CBX6: variants seen among roughly 807,000 people sequenced by gnomAD.
CBX6 encodes chromobox protein homolog 6.
Under a neutral mutation model 28.4 loss-of-function variants are expected in CBX6, and 7 were observed. The ratio of observed to expected loss-of-function variants is 0.25; its 90% CI spans 0.14 to 0.46. The LOEUF (loss-of-function observed/expected upper bound fraction) is 0.46. Ranked by LOEUF, CBX6 falls within the 20% of genes least tolerant of loss-of-function variation. The probability of loss-of-function intolerance (pLI) is 0.99; values close to 1 mark genes in which losing one functional copy is unlikely to be tolerated. For synonymous variants in CBX6, 297 were observed against 273.4 expected, an observed-to-expected ratio of 1.09 and a Z score of -0.85; for missense variants, 512 against 606.1, an observed-to-expected ratio of 0.84 and a Z score of 1.63.
chr22:38,869,029 C>T (rs2093176576), intron 4 of CBX6, among the ~76,000 whole-genome samples: 1 of 152,204 alleles, frequency 6.6e-6, no homozygotes, highest in Non-Finnish European at 1.5e-5. Context: ...GTCCCTTCCG[C>T]CACTAGGTGG....
chr22:38,871,978 G>A lies in CBX6; in HGVS notation c.70-33C>T. The A allele has an allele frequency of 1.3e-6, 2 of 1,492,368 alleles. No homozygotes were observed. Among genetic ancestry groups the A allele is most frequent in the South Asian group, 1.3e-5 (1 of 78,830 alleles). 92.4% of individuals were successfully genotyped at this position (1,492,368 alleles called of 1,614,324 possible). ...ACAGAGGGGAGAAAAACGGGGGTGG[G>A]GGTGGGGAGGATGCGGGGACGCGAG... is the stretch of plus-strand genomic sequence containing the variant. On this transcript the variant is annotated intron_variant, in intron 1 of 4. Coordinates refer to ENST00000407418, the MANE Select transcript of CBX6 (RefSeq NM_014292.5). This position sits in a 1 kb window ranked among gnomAD's most constrained non-coding sequence, Gnocchi z 5.6.
Position 38,864,192 on chromosome 22 carries a change from C to G in CBX6, c.*2017G>C, listed in dbSNP as rs1036842248. ...AGCTCTTTCTCCCCCGCCACCCCCC[C>G]ATAGGAATCCCACAATATTTTTTTC... On this transcript the variant is annotated 3_prime_UTR_variant, in exon 5 of 5. Coordinates refer to ENST00000407418, the MANE Select transcript of CBX6 (RefSeq NM_014292.5). 5.9e-5 allele frequency: 9 copies of G among 152,016 alleles called. No homozygotes were observed. The highest frequency in any genetic ancestry group is 2.2e-4 in the African/African-American group (9 of 41,376). The allele number at this position is 152,016 out of a possible 1,614,324, so 9.4% of individuals were successfully genotyped here. A position where few individuals can be genotyped will look rare whatever the true frequency, so the allele number is the denominator to read the frequency against.
chr22:38,864,132 C>G lies in CBX6; in HGVS notation c.*2077G>C, dbSNP rs1208855815. ...CCCCATCCTGACATTGCCACCTCAC[C>G]TGTGCAATCACTGCGTTACTATTTT... On this transcript the variant is annotated 3_prime_UTR_variant, in exon 5 of 5. Coordinates refer to ENST00000407418, the MANE Select transcript of CBX6 (RefSeq NM_014292.5). The G allele has an allele frequency of 6.6e-6, 1 of 152,264 alleles. No homozygotes were observed. Among genetic ancestry groups the G allele is most frequent in the East Asian group, 1.9e-4 (1 of 5,198 alleles). 9.4% of individuals were successfully genotyped at this position (152,264 alleles called of 1,614,324 possible). A position where few individuals can be genotyped will look rare whatever the true frequency, so the allele number is the denominator to read the frequency against.
At chr22:38,869,597 C>A (rs2093177826) in intron 4 of CBX6, 1 of 152,096 alleles carries the variant, frequency 6.6e-6, no homozygotes, top group Non-Finnish European at 1.5e-5. Context: ...CCTCTTCCTC[C>A]CCACATGGAG....
In CBX6 at chr22:38,865,881, C is replaced by T. The variant is rs771912194; in HGVS notation, c.*328G>A. 3 of 326,164 alleles carry T rather than the reference C, an allele frequency of 9.2e-6. No homozygotes were observed. Among genetic ancestry groups the T allele is most frequent in the South Asian group, 6.5e-5 (1 of 15,494 alleles). The allele number at this position is 326,164 out of a possible 1,614,324, so 20.2% of individuals were successfully genotyped here. On this transcript the variant is annotated 3_prime_UTR_variant, in exon 5 of 5. Transcript: ENST00000407418. Reference sequence around the variant, plus strand: ...AGGTTAGCACCGAGAAATCAGACGCCGCACAGGAGAGCAGGAAGCAAGCTA... The same window carrying T: ...AGGTTAGCACCGAGAAATCAGACGCTGCACAGGAGAGCAGGAAGCAAGCTA...
At position 38,863,602 on chromosome 22, in the gene CBX6, T is replaced by C. The variant is rs1044198454; in HGVS notation, c.*2607A>G. On this transcript the variant is annotated 3_prime_UTR_variant, in exon 5 of 5. Transcript: ENST00000407418. ...GGGCACTGCCCACCTCAAGGCGGTG[T>C]GCCTGGTGCCTCTTCATGCACCAAG... is the stretch of plus-strand genomic sequence containing the variant. 2 of 152,112 alleles carry C rather than the reference T, an allele frequency of 1.3e-5. No homozygotes were observed. Among genetic ancestry groups the C allele is most frequent in the African/African-American group, 4.8e-5 (2 of 41,418 alleles). The allele number at this position is 152,112 out of a possible 1,614,324, so 9.4% of individuals were successfully genotyped here.
Position 38,866,823 on chromosome 22 carries a change from T to C in CBX6, c.625A>G (p.Ile209Val). Residue 209 changes from isoleucine to valine, a missense_variant, in exon 5 of 5, where the codon ATA (isoleucine) becomes GTA (valine). Ile to Val is a conservative substitution (Grantham distance 29, BLOSUM62 3). This residue lies in a region of CBX6 where 290 missense variants were observed against 274.1 expected (regional missense o/e 1.06). Transcript: ENST00000407418. This position sits in a 1 kb window ranked among gnomAD's most constrained non-coding sequence, Gnocchi z 7.5. Reference protein sequence around the residue: ...RPKVPSRNRVIGKSKKFSESV... With the variant: ...RPKVPSRNRVVGKSKKFSESV... ...TCGCTGAACTTCTTGCTCTTGCCTATAACGCGGTTCCGCGAGGGGACTTTG... is the reference window on the plus strand; with the variant it reads ...TCGCTGAACTTCTTGCTCTTGCCTACAACGCGGTTCCGCGAGGGGACTTTG... 5 of 1,612,382 alleles carry C rather than the reference T, an allele frequency of 3.1e-6. No individual in the cohort carries two copies. Among genetic ancestry groups the C allele is most frequent in the Non-Finnish European group, 4.2e-6 (5 of 1,179,316 alleles).
Position 38,871,664 on chromosome 22 carries a change from G to A in CBX6, c.179+28C>T, listed in dbSNP as rs773623052. ...GCCCCAGCCGAGCCTCGGCCTCGCA[G>A]CCCCTGCCAGCTTCCCCAACAACTC... On this transcript the variant is annotated intron_variant, in intron 3 of 4. Transcript: ENST00000407418. The surrounding 1 kb of genome is among the most constrained non-coding windows in gnomAD (Gnocchi z 5.6). The A allele has an allele frequency of 5.6e-6, 9 of 1,612,744 alleles. No individual in the cohort carries two copies. The highest frequency in any genetic ancestry group is 7.6e-6 in the Non-Finnish European group (9 of 1,179,390).
Position 38,866,215 on chromosome 22 carries a change from G to A in CBX6, c.1233C>T (p.Ser411=). ...AAGGGGSIGA[S]K ...CCTCCTTGGTGGAGCCCCCTCACTTGCTCGCCCCAATGCTGCCACCGCCCC... is the reference window on the plus strand; with the variant it reads ...CCTCCTTGGTGGAGCCCCCTCACTTACTCGCCCCAATGCTGCCACCGCCCC... The change falls in exon 5 of 5, where the codon AGC becomes AGT. Residue 411 remains serine (S), a synonymous_variant. Transcript: ENST00000407418. This position sits in a 1 kb window ranked among gnomAD's most constrained non-coding sequence, Gnocchi z 7.5. 1.2e-6 allele frequency: 2 copies of A among 1,601,256 alleles called. No homozygotes were observed. Among genetic ancestry groups the A allele is most frequent in the Non-Finnish European group, 1.7e-6 (2 of 1,172,778 alleles).
Position 38,871,956 on chromosome 22 carries a change from G to C in CBX6, c.70-11C>G. ...GTACTCGATGCGTCCCTGAAAAACAGAGGGGAGAAAAACGGGGGTGGGGGT... is the reference window on the plus strand; with the variant it reads ...GTACTCGATGCGTCCCTGAAAAACACAGGGGAGAAAAACGGGGGTGGGGGT... On this transcript the variant is annotated splice_polypyrimidine_tract_variant and intron_variant, in intron 1 of 4. Transcript: ENST00000407418. The surrounding 1 kb of genome is among the most constrained non-coding windows in gnomAD (Gnocchi z 5.6). 1 of 1,530,486 alleles carries C rather than the reference G, an allele frequency of 6.5e-7. No individual in the cohort carries two copies. Among genetic ancestry groups the C allele is most frequent in the Non-Finnish European group, 8.8e-7 (1 of 1,138,248 alleles). 94.8% of individuals were successfully genotyped at this position (1,530,486 alleles called of 1,614,324 possible).
In CBX6 at chr22:38,865,985, T is replaced by C; in HGVS notation, c.*224A>G. ...CCAGAAACCACCCAGTGGGCTACCATGCATGGGCAGGGGGTGTGCCCTTCC... is the reference window on the plus strand; with the variant it reads ...CCAGAAACCACCCAGTGGGCTACCACGCATGGGCAGGGGGTGTGCCCTTCC... On this transcript the variant is annotated 3_prime_UTR_variant, in exon 5 of 5. Transcript: ENST00000407418. The C allele has an allele frequency of 1.7e-6, 1 of 576,902 alleles. No homozygotes were observed. Among genetic ancestry groups the C allele is most frequent in the Non-Finnish European group, 3.1e-6 (1 of 325,674 alleles). 35.7% of individuals were successfully genotyped at this position (576,902 alleles called of 1,614,324 possible).
At position 38,871,119 on chromosome 22, in the gene CBX6, C is replaced by T; in HGVS notation, c.246+361G>A. ...AGGAGGTGGGACCCCACTCACTCTCCCCCTGGGTTCCAACTCCCAGCACAG... is the reference window on the plus strand; with the variant it reads ...AGGAGGTGGGACCCCACTCACTCTCTCCCTGGGTTCCAACTCCCAGCACAG... On this transcript the variant is annotated intron_variant, in intron 4 of 4. Transcript: ENST00000407418. This position sits in a 1 kb window ranked among gnomAD's most constrained non-coding sequence, Gnocchi z 5.6. 2 of 267,616 alleles carry T rather than the reference C, an allele frequency of 7.5e-6. No homozygotes were observed. The highest frequency in any genetic ancestry group is 9.6e-5 in the East Asian group (1 of 10,398). The allele number at this position is 267,616 out of a possible 1,614,324, so 16.6% of individuals were successfully genotyped here.
At position 38,865,976 on chromosome 22, in the gene CBX6, G is replaced by A; in HGVS notation, c.*233C>T. ...TAGGGCTTTCCAGAAACCACCCAGT[G>A]GGCTACCATGCATGGGCAGGGGGTG... is the stretch of plus-strand genomic sequence containing the variant. On this transcript the variant is annotated 3_prime_UTR_variant, in exon 5 of 5. Coordinates refer to ENST00000407418, the MANE Select transcript of CBX6 (RefSeq NM_014292.5). 1 of 568,046 alleles carries A rather than the reference G, an allele frequency of 1.8e-6. No homozygotes were observed. The highest frequency in any genetic ancestry group is 3.1e-6 in the Non-Finnish European group (1 of 321,040). The allele number at this position is 568,046 out of a possible 1,614,324, so 35.2% of individuals were successfully genotyped here. A position where few individuals can be genotyped will look rare whatever the true frequency, so the allele number is the denominator to read the frequency against.
intron 4 of CBX6, 67 bp from the exon 5 acceptor site, chr22:38,867,268 C>A: frequency 7.0e-7 from 1 of 1,422,130 alleles, no homozygotes; most frequent in Non-Finnish European, 9.4e-7. Context: ...GATGTCCCTA[C>A]GCCAGCCAGC....
chr22:38,870,303 G>A lies in CBX6; in HGVS notation c.246+1177C>T, dbSNP rs1422544099. 1 of 152,220 alleles carries A rather than the reference G, an allele frequency of 6.6e-6. No individual in the cohort carries two copies. The highest frequency in any genetic ancestry group is 1.5e-5 in the Non-Finnish European group (1 of 68,072). The allele number at this position is 152,220 out of a possible 1,614,324, so 9.4% of individuals were successfully genotyped here. ...AGGAGATAATCCATGTGGGGGCTCAGCCCTGTATTAGGCCCACAGCCAGCT... is the reference window on the plus strand; with the variant it reads ...AGGAGATAATCCATGTGGGGGCTCAACCCTGTATTAGGCCCACAGCCAGCT... On this transcript the variant is annotated intron_variant, in intron 4 of 4. Transcript: ENST00000407418. This position sits in a 1 kb window ranked among gnomAD's most constrained non-coding sequence, Gnocchi z 4.3.
rs1218574281 is a variant in CBX6, at chr22:38,871,694, T to A, written c.177A>T (p.Gln59His). ...TGCCAGCTTCCCCAACAACTCACTT[T>A]TGTTCGAAGGCTGCAATGAGCCGCG... is the stretch of plus-strand genomic sequence containing the variant. Reference protein sequence around the residue: ...LDSRLIAAFEQKERERELYGP... With the variant: ...LDSRLIAAFEHKERERELYGP... The change falls in exon 3 of 5, where the codon CAA becomes CAT. Residue 59 changes from glutamine (Q) to histidine (H), a missense_variant and splice_region_variant. Physicochemically the swap from Gln to His is conservative, Grantham distance 24 (BLOSUM62 0). Around this residue, in one of 7 missense-constraint regions of CBX6, gnomAD observed 20 missense variants for 70.3 expected, o/e 0.28. Transcript: ENST00000407418. The surrounding 1 kb of genome is among the most constrained non-coding windows in gnomAD (Gnocchi z 5.6). 1.2e-6 allele frequency: 2 copies of A among 1,613,312 alleles called. No individual in the cohort carries two copies. The highest frequency in any genetic ancestry group is 1.7e-6 in the Non-Finnish European group (2 of 1,179,660).
rs899725366 is a variant in CBX6, at chr22:38,871,983, G to A, written c.70-38C>T. ...GGGGAGAAAAACGGGGGTGGGGGTGGGGAGGATGCGGGGACGCGAGGAGGC... is the reference window on the plus strand; with the variant it reads ...GGGGAGAAAAACGGGGGTGGGGGTGAGGAGGATGCGGGGACGCGAGGAGGC... On this transcript the variant is annotated intron_variant, in intron 1 of 4. Transcript: ENST00000407418. This position sits in a 1 kb window ranked among gnomAD's most constrained non-coding sequence, Gnocchi z 5.6. The A allele has an allele frequency of 6.8e-7, 1 of 1,469,558 alleles. No individual in the cohort carries two copies. Among genetic ancestry groups the A allele is most frequent in the Non-Finnish European group, 9.1e-7 (1 of 1,100,868 alleles). 91.0% of individuals were successfully genotyped at this position (1,469,558 alleles called of 1,614,324 possible).
chr22:38,868,624 G>T (rs1179569841), intron 4 of CBX6, among the ~76,000 whole-genome samples: 1 of 152,108 alleles, frequency 6.6e-6, no homozygotes, highest in Non-Finnish European at 1.5e-5. Flanking sequence ...CAAGGGGCGT[G>T]GGTTTTAGAG....
chr22:38,868,301 G>T (rs1050062719), intron 4 of CBX6, among the ~76,000 whole-genome samples: 3 of 152,244 alleles, frequency 2.0e-5, no homozygotes, highest in Non-Finnish European at 4.4e-5. Flanking sequence ...AGGGAGGACG[G>T]TGGGCAGTGG....
Sources: allele counts gnomAD v4.1 joint callset (sites outside exome capture counted in the v4.1 genomes callset), GRCh38; gene constraint gnomAD v4.1.1; regional missense constraint gnomAD v4.1.1; non-coding constraint Gnocchi (gnomAD v3.1); transcripts MANE v1.5; gene names NCBI Gene and HGNC (gene_info 2026-07-23, HGNC 2026-07-21).